The following CUL5 variants were observed in gnomAD, a reference collection of about 807,000 sequenced individuals.
CUL5 encodes the protein cullin 5, also known as cullin-5.
A neutral mutation model predicts 108.8 loss-of-function variants in CUL5; 26 were observed. The ratio of observed to expected loss-of-function variants is 0.24; its 90% CI spans 0.18 to 0.33. The LOEUF (loss-of-function observed/expected upper bound fraction) is 0.33, where lower values mean the gene tolerates loss of function less well. Ranked by LOEUF, CUL5 falls within the 10% of genes least tolerant of loss-of-function variation. CUL5 has a pLI of 1.00. For missense variants in CUL5, 524 were observed against 909.2 expected (o/e 0.58, Z 5.45); for synonymous variants, 334 against 298.0 (o/e 1.12, Z -1.25).
chr11:108,079,874 A>G (rs1205723580), intron 11 of CUL5, among the ~76,000 whole-genome samples: 1 of 150,314 alleles, frequency 6.7e-6, no homozygotes, highest in African/African-American at 2.4e-5. Context: ...AGCTTCTTTC[A>G]TTCTGCATTG....
chr11:108,079,905 G>A (rs553753508), intron 11 of CUL5, among the ~76,000 whole-genome samples: 1 of 152,176 alleles, frequency 6.6e-6, no homozygotes, highest in African/African-American at 2.4e-5. Context: ...ATTCTTTTAT[G>A]TTTTGGCATG....
chr11:108,027,699 G>A (rs1332444646), intron 1 of CUL5, among the ~76,000 whole-genome samples: 2 of 152,060 alleles, frequency 1.3e-5, no homozygotes, highest in Non-Finnish European at 2.9e-5. Flanking sequence ...GAACTATTGC[G>A]CCTGGCTCCT....
intron 15 of CUL5, 128 bp downstream of exon 15, chr11:108,095,115 A>T: frequency 1.3e-6 from 1 of 741,788 alleles, no homozygotes; most frequent in Non-Finnish European, 2.1e-6. Flanking sequence ...GAAATAGTGA[A>T]TTTTTTTCAT....
chr11:108,106,277 G>A lies in CUL5; in HGVS notation c.*1893G>A, dbSNP rs943613144. 9 of 152,576 alleles carry A rather than the reference G, an allele frequency of 5.9e-5. No individual in the cohort carries two copies. Among genetic ancestry groups the A allele is most frequent in the Middle Eastern group, 3.4e-3 (1 of 292 alleles). The allele number at this position is 152,576 out of a possible 1,614,324, so 9.5% of individuals were successfully genotyped here. The stretch of plus-strand genomic sequence containing the variant: ...AAAGGAGGAAACAGGAAAAATTGCC[G>A]TCCATTTTAAAAATTTAGGTTTGTT... On this transcript the variant is annotated 3_prime_UTR_variant, in exon 19 of 19. Transcript: ENST00000393094.
intron 1 of CUL5, among the ~76,000 whole-genome samples, chr11:108,014,575 T>C (rs910517179): frequency 1.3e-5 from 2 of 152,264 alleles, no homozygotes; most frequent in African/African-American, 2.4e-5. Context: ...ATATTTATAA[T>C]CTGCTTGTGA....
intron 1 of CUL5, among the ~76,000 whole-genome samples, chr11:108,009,857 C>T (rs1171413857): frequency 6.6e-6 from 1 of 152,144 alleles, no homozygotes; most frequent in Non-Finnish European, 1.5e-5. Context: ...CCAGCAGTGC[C>T]TCCCACTCCA....
At chr11:108,022,020 C>G (rs751018085) in intron 1 of CUL5, among the ~76,000 whole-genome samples, 1 of 151,534 alleles carries the variant, frequency 6.6e-6, no homozygotes. Flanking sequence ...ATCGATCCAT[C>G]CATTCTTAGA....
chr11:108,094,911 C>T lies in CUL5; in HGVS notation c.1667C>T (p.Pro556Leu), dbSNP rs766802981. 3.7e-6 allele frequency: 6 copies of T among 1,612,368 alleles called. No individual in the cohort carries two copies. The highest frequency in any genetic ancestry group is 1.1e-5 in the South Asian group (1 of 90,944). Residue 556 changes from proline to leucine, a missense_variant, in exon 15 of 19, where the codon CCG becomes CTG. Transcript: ENST00000393094. ...CCTACTGAACTGGAGGACTTGATAC[C>T]GGAAGTAGAAGAATTCTACAAAAAA... Reference protein sequence around the residue: ...SLPTELEDLIPEVEEFYKKNH... With the variant: ...SLPTELEDLILEVEEFYKKNH...
intron 16 of CUL5, among the ~76,000 whole-genome samples, chr11:108,097,342 A>G (rs150744033): frequency 8.5e-4 from 129 of 152,296 alleles, no homozygotes; most frequent in African/African-American, 2.9e-3. Flanking sequence ...ATTATTACCT[A>G]TGGAGGAAAT....
intron 7 of CUL5, among the ~76,000 whole-genome samples, chr11:108,060,602 G>A (rs1457203070): frequency 6.6e-6 from 1 of 152,098 alleles, no homozygotes; most frequent in Non-Finnish European, 1.5e-5. Context: ...TTAGGAGGCC[G>A]AGGCGGGTGG....
At chr11:108,085,815 G>A (rs532710606) in intron 11 of CUL5, among the ~76,000 whole-genome samples, 2 of 152,178 alleles carry the variant, frequency 1.3e-5, no homozygotes, top group Admixed American at 6.5e-5. Context: ...AATGGGATTT[G>A]ACTGCTGGCA....
chr11:108,100,358 C>T (rs1411371852), intron 18 of CUL5, among the ~76,000 whole-genome samples: 1 of 151,880 alleles, frequency 6.6e-6, no homozygotes, highest in East Asian at 1.9e-4. Flanking sequence ...GCCTAGCCAA[C>T]ATGTTGAAGC....
At chr11:108,097,176 T>A (rs2135242947) in intron 16 of CUL5, among the ~76,000 whole-genome samples, 1 of 152,224 alleles carries the variant, frequency 6.6e-6, no homozygotes, top group East Asian at 1.9e-4. Flanking sequence ...TGCCCCACGC[T>A]GGCTAATTTT....
chr11:108,044,484 G>C (rs1863016677), intron 2 of CUL5, among the ~76,000 whole-genome samples: 1 of 150,960 alleles, frequency 6.6e-6, no homozygotes, highest in African/African-American at 2.4e-5. Flanking sequence ...CCTCAGACTG[G>C]GCAACAGAGT....
chr11:108,076,506 T>C (rs2135195754), intron 10 of CUL5, among the ~76,000 whole-genome samples: 1 of 152,358 alleles, frequency 6.6e-6, no homozygotes, highest in East Asian at 1.9e-4. Flanking sequence ...TTGAATTTTT[T>C]TTAGGTTCTA....
Position 108,009,229 on chromosome 11 carries a change from C to G in CUL5, c.-120C>G. On this transcript the variant is annotated 5_prime_UTR_variant, in exon 1 of 19. Coordinates refer to ENST00000393094, the MANE Select transcript of CUL5 (RefSeq NM_003478.6). Reference sequence around the variant, plus strand: ...GTCGGCGCGCTGCTCCAGCGCCCACCACACCCTGGTGCGGGCCGACGGGCC... The same window carrying G: ...GTCGGCGCGCTGCTCCAGCGCCCACGACACCCTGGTGCGGGCCGACGGGCC... 6 of 1,073,560 alleles carry G rather than the reference C, an allele frequency of 5.6e-6. No homozygotes were observed. The highest frequency in any genetic ancestry group is 8.4e-6 in the Non-Finnish European group (6 of 717,442). 66.5% of individuals were successfully genotyped at this position (1,073,560 alleles called of 1,614,324 possible).
chr11:108,046,024 A>T (rs1186477804), intron 2 of CUL5, among the ~76,000 whole-genome samples: 1 of 152,348 alleles, frequency 6.6e-6, no homozygotes, highest in African/African-American at 2.4e-5. Context: ...ACATGCTTTC[A>T]TAACTAAATT....
At chr11:108,088,301 G>T (rs866463798) in intron 11 of CUL5, among the ~76,000 whole-genome samples, 3 of 152,200 alleles carry the variant, frequency 2.0e-5, no homozygotes, top group Non-Finnish European at 4.4e-5. Flanking sequence ...AATTGAAGAA[G>T]GTTCTTACTC....
chr11:108,015,898 T>C (rs978047123), intron 1 of CUL5, among the ~76,000 whole-genome samples: 2 of 152,150 alleles, frequency 1.3e-5, no homozygotes, highest in Non-Finnish European at 2.9e-5. Flanking sequence ...ACTAGGCATC[T>C]TTCTAGTAAA....
Sources: gnomAD v4.1 joint callset for allele counts (sites outside exome capture counted in the v4.1 genomes callset) on GRCh38, gnomAD v4.1.1 for gene constraint, MANE v1.5 for transcripts, NCBI Gene and HGNC (gene_info 2026-07-23, HGNC 2026-07-21) for gene names.